Variants in CYP20A1 observed in about 807,000 individuals in gnomAD.
The protein encoded by CYP20A1 is cytochrome P450 family 20 subfamily A member 1.
CYP20A1 carries 61 observed loss-of-function variants against 61.4 expected under a neutral mutation model. That is an observed-to-expected ratio of 0.99 (90% confidence interval 0.81 to 1.23). The LOEUF (loss-of-function observed/expected upper bound fraction) is 1.23. CYP20A1 is among the 50% of genes most tolerant of loss of function. CYP20A1 has a pLI of 0.00. For missense variants in CYP20A1, 530 were observed against 542.4 expected, an observed-to-expected ratio of 0.98 and a Z score of 0.23; for synonymous variants, 193 against 188.2, an observed-to-expected ratio of 1.03 and a Z score of -0.21.
intron 11 of CYP20A1, among the ~76,000 whole-genome samples, chr2:203,292,737 G>A (rs561563551): frequency 2.6e-5 from 4 of 152,180 alleles, no homozygotes; most frequent in African/African-American, 9.6e-5. Context: ...GGGATTACAG[G>A]CATGAACCAC....
At chr2:203,295,548 T>G (rs2068754295) in intron 11 of CYP20A1, among the ~76,000 whole-genome samples, 1 of 152,248 alleles carries the variant, frequency 6.6e-6, no homozygotes, top group Non-Finnish European at 1.5e-5. Context: ...ATTCATTATA[T>G]GATTTTCTAT....
At chr2:203,285,806 T>G in intron 9 of CYP20A1, 74 bp downstream of exon 9, 1 of 1,320,176 alleles carries the variant, frequency 7.6e-7, no homozygotes, top group Non-Finnish European at 1.0e-6. Context: ...AAGCTATTGT[T>G]GCTATCTAGG....
intron 1 of CYP20A1, among the ~76,000 whole-genome samples, chr2:203,244,732 C>CTT (rs35996822): frequency 1.6e-5 from 2 of 123,202 alleles, no homozygotes; most frequent in African/African-American, 3.1e-5. Context: ...TGAAATAATT[C>CTT]TTTTTTTTTT....
chr2:203,249,085 A>T (rs1162276060), intron 3 of CYP20A1, among the ~76,000 whole-genome samples: 1 of 152,222 alleles, frequency 6.6e-6, no homozygotes, highest in African/African-American at 2.4e-5. Flanking sequence ...ACAAGAAAAC[A>T]TGGTTAAATA....
intron 5 of CYP20A1, among the ~76,000 whole-genome samples, chr2:203,269,049 C>G (rs2152078158): frequency 6.6e-6 from 1 of 152,322 alleles, no homozygotes; most frequent in East Asian, 1.9e-4. Flanking sequence ...TATGTCCTAA[C>G]TGCCCCCTAC....
chr2:203,240,304 AT>A (rs1308611193), intron 1 of CYP20A1, among the ~76,000 whole-genome samples: 1 of 152,194 alleles, frequency 6.6e-6, no homozygotes, highest in African/African-American at 2.4e-5. Context: ...AAACTAAACA[AT>A]TTTAGTGGTT....
rs1179791824 is a variant in CYP20A1, at chr2:203,302,603, C to T, written c.*5695C>T. On this transcript the variant is annotated 3_prime_UTR_variant, in exon 13 of 13. Coordinates refer to ENST00000356079, the MANE Select transcript of CYP20A1 (RefSeq NM_177538.3). ...TATATATTATACAAAATATTATTTG[C>T]ATTTAACATATTCTGAACCAATAGT... Among the ~76,000 whole-genome samples the T allele has an allele frequency of 6.6e-6, 1 of 152,148 alleles. No individual in the cohort carries two copies. The highest frequency in any genetic ancestry group is 1.5e-5 in the Non-Finnish European group (1 of 68,042).
intron 4 of CYP20A1, among the ~76,000 whole-genome samples, chr2:203,261,493 G>C (rs1333353463): frequency 6.9e-6 from 1 of 145,218 alleles, no homozygotes; most frequent in Non-Finnish European, 1.5e-5. Flanking sequence ...AGGATCCCTT[G>C]AGCCCAGGAG....
chr2:203,291,250 T>C (rs1417282530), intron 10 of CYP20A1, among the ~76,000 whole-genome samples: 1 of 152,102 alleles, frequency 6.6e-6, no homozygotes, highest in Non-Finnish European at 1.5e-5. Context: ...TTGTCCAGGC[T>C]GATATGGAAC....
chr2:203,239,664 G>A (rs931987513), intron 1 of CYP20A1, among the ~76,000 whole-genome samples: 4 of 152,134 alleles, frequency 2.6e-5, no homozygotes, highest in African/African-American at 7.2e-5. Context: ...CCTCTTAGGG[G>A]CTCCAGGCAA....
At chr2:203,244,581 CA>C (rs2105894406) in intron 1 of CYP20A1, among the ~76,000 whole-genome samples, 1 of 151,384 alleles carries the variant, frequency 6.6e-6, no homozygotes, top group African/African-American at 2.4e-5. Context: ...TTTTTAAAGC[CA>C]AACCAGCTGG....
At chr2:203,275,971 G>T (rs2067803498) in intron 6 of CYP20A1, among the ~76,000 whole-genome samples, 1 of 152,080 alleles carries the variant, frequency 6.6e-6, no homozygotes, top group Admixed American at 6.6e-5. Context: ...AACCAGAAGG[G>T]GATAGGGAGT....
At chr2:203,289,318 GAT>G (rs1481781269) in intron 9 of CYP20A1, among the ~76,000 whole-genome samples, 2 of 152,012 alleles carry the variant, frequency 1.3e-5, no homozygotes, top group African/African-American at 4.8e-5. Context: ...ATACATGAAA[GAT>G]ATATTTACTG....
chr2:203,242,739 C>G (rs1461271924), intron 1 of CYP20A1, among the ~76,000 whole-genome samples: 1 of 151,040 alleles, frequency 6.6e-6, no homozygotes, highest in African/African-American at 2.4e-5. Context: ...TGCAGTTAGC[C>G]AAGATGGCGC....
chr2:203,302,420 A>G lies in CYP20A1; in HGVS notation c.*5512A>G, dbSNP rs546909750. Among the ~76,000 whole-genome samples, 4 of 152,258 alleles carry G rather than the reference A, an allele frequency of 2.6e-5. No individual in the cohort carries two copies. The East Asian group carries it at 5.8e-4, about 22-fold the overall frequency. On this transcript the variant is annotated 3_prime_UTR_variant, in exon 13 of 13. Coordinates refer to ENST00000356079, the MANE Select transcript of CYP20A1 (RefSeq NM_177538.3). ...CTTGGTGGCACCACCTGCAGTCCCA[A>G]CTATTCAGGAGGCTGAGGCGAGAGG...
At chr2:203,242,285 G>T (rs2066279766) in intron 1 of CYP20A1, among the ~76,000 whole-genome samples, 1 of 152,172 alleles carries the variant, frequency 6.6e-6, no homozygotes, top group South Asian at 2.1e-4. Flanking sequence ...CGCAACATTT[G>T]TAATCTTAAG....
rs981292036 is a variant in CYP20A1 at position 203,305,834 on chromosome 2, A to G, written c.*8926A>G. On this transcript the variant is annotated 3_prime_UTR_variant, in exon 13 of 13. Transcript: ENST00000356079. The stretch of plus-strand genomic sequence containing the variant: ...TGCACATAGAATAAAGGAAATTATT[A>G]ATGTTACTTAATAGTTTAAAAAAAT... Among the ~76,000 whole-genome samples the G allele has an allele frequency of 7.2e-5, 11 of 152,180 alleles. No individual in the cohort carries two copies. The highest frequency in any genetic ancestry group is 4.6e-4 in the Admixed American group (7 of 15,266).
intron 3 of CYP20A1, 54 bp from the exon 4 acceptor site, chr2:203,251,913 G>T (rs944522202): frequency 2.9e-6 from 4 of 1,387,906 alleles, no homozygotes; most frequent in East Asian, 2.6e-5. Flanking sequence ...CTCTTACAGG[G>T]TATCTTTTTG....
At chr2:203,281,245 A>G (rs567863007) in intron 8 of CYP20A1, among the ~76,000 whole-genome samples, 103 of 152,304 alleles carry the variant, frequency 6.8e-4, no homozygotes, top group African/African-American at 2.4e-3. Flanking sequence ...GGTGGCTCAC[A>G]GCTATAATGC....
Sources: allele counts gnomAD v4.1 joint callset (sites outside exome capture counted in the v4.1 genomes callset), GRCh38; gene constraint gnomAD v4.1.1; transcripts MANE v1.5; gene names NCBI Gene and HGNC (gene_info 2026-07-23, HGNC 2026-07-21).